Variants in WDR20 observed in about 807,000 individuals in gnomAD.
WDR20 encodes the protein WD repeat domain 20.
In WDR20, 3 loss-of-function variants were observed where a neutral mutation model predicts 38.7. The ratio of observed to expected loss-of-function variants is 0.08; its 90% confidence interval spans 0.04 to 0.20. The LOEUF is 0.20. WDR20 is among the 10% of genes least tolerant of loss of function. WDR20 has a pLI of 1.00. For missense variants in WDR20, 559 were observed against 727.7 expected (o/e 0.77, Z 2.67); for synonymous variants, 298 against 285.6 (o/e 1.04, Z -0.44).
chr14:102,160,770 G>A (rs903037566), intron 1 of WDR20, among the ~76,000 whole-genome samples: 5 of 151,058 alleles, frequency 3.3e-5, no homozygotes, highest in Middle Eastern at 3.4e-3. Context: ...GTGAAACCCC[G>A]TCTCTACTAA....
At chr14:102,159,093 C>T (rs904760625) in intron 1 of WDR20, among the ~76,000 whole-genome samples, 7 of 151,978 alleles carry the variant, frequency 4.6e-5, no homozygotes, top group Non-Finnish European at 8.8e-5. Context: ...AAAGGGTGCA[C>T]CACCACACCC....
downstream of WDR20, chr14:102,224,704 A>ATTAG: frequency 4.4e-6 from 2 of 456,036 alleles, no homozygotes; most frequent in South Asian, 3.1e-5. Context: ...CGGAGGAGAC[A>ATTAG]TTAGTTACAG....
downstream of WDR20, chr14:102,213,520 C>G (rs897503430): frequency 1.0e-6 from 1 of 985,268 alleles, no homozygotes; most frequent in Non-Finnish European, 1.2e-6. Flanking sequence ...CACAATCATT[C>G]TTTTCTCAAA....
intron 1 of WDR20, among the ~76,000 whole-genome samples, chr14:102,187,085 G>C (rs2065006320): frequency 2.0e-5 from 3 of 152,132 alleles, no homozygotes; most frequent in Admixed American, 2.0e-4. Flanking sequence ...TGTGGCCCTT[G>C]GAAGTAATTT....
intron 1 of WDR20, among the ~76,000 whole-genome samples, chr14:102,173,296 T>C (rs1368447650): frequency 1.4e-5 from 2 of 147,920 alleles, no homozygotes; most frequent in African/African-American, 4.9e-5. Context: ...GTATTTTTAG[T>C]AGAGATGAGG....
chr14:102,194,919 T>C lies in WDR20; in HGVS notation c.250-19T>C, dbSNP rs545565542. 1.9e-6 allele frequency: 3 copies of C among 1,612,222 alleles called. No homozygotes were observed. The highest frequency in any genetic ancestry group is 3.3e-5 in the Admixed American group (2 of 59,824). On this transcript the variant is annotated intron_variant, in intron 1 of 2. Transcript: ENST00000342702. ...TCAATGTGCTGTTTACTGTATGTAT[T>C]TTTCTCTTTCTCCTCCAGGCTGCTG...
intron 1 of WDR20, among the ~76,000 whole-genome samples, chr14:102,143,386 G>A (rs986839289): frequency 5.5e-5 from 6 of 108,606 alleles, no homozygotes; most frequent in Non-Finnish European, 1.0e-4. Flanking sequence ...TTTATTTAAA[G>A]ACAGTATTAA....
At chr14:102,200,467 T>TTTTTGTGTG (rs748066838) in intron 2 of WDR20, among the ~76,000 whole-genome samples, 1 of 117,688 alleles carries the variant, frequency 8.5e-6, no homozygotes, top group African/African-American at 3.1e-5. Flanking sequence ...ATTTTTTTTT[T>TTTTTGTGTG]TGTGTGTGTG....
intron 1 of WDR20, among the ~76,000 whole-genome samples, chr14:102,147,562 A>G (rs1023240273): frequency 1.3e-5 from 2 of 152,200 alleles, no homozygotes. Flanking sequence ...CTCTGCCCTC[A>G]AGAAATGTGT....
intron 2 of WDR20, chr14:102,197,850 G>T (rs571240202): frequency 1.4e-6 from 1 of 701,154 alleles, no homozygotes; most frequent in Non-Finnish European, 2.6e-6. Context: ...CTGTCCAGGT[G>T]AGAGCTGAGG....
rs991630205 is a variant in WDR20 at position 102,207,848 on chromosome 14, G to A, written c.433-755G>A. On this transcript the variant is annotated intron_variant, in intron 2 of 2. Transcript: ENST00000342702. The surrounding 1 kb of genome is among the most constrained non-coding windows in gnomAD (Gnocchi z 5.0). ...CATACGCCTGTTAAAGAAACATCTC[G>A]GTCAGGGGTCCAAAGTTAGCATATG... is the stretch of plus-strand genomic sequence containing the variant. Among the ~76,000 whole-genome samples, 6 of 152,154 alleles carry A rather than the reference G, an allele frequency of 3.9e-5. No homozygotes were observed. The highest frequency in any genetic ancestry group is 2.1e-4 in the South Asian group (1 of 4,816).
chr14:102,147,410 G>C (rs1287376036), intron 1 of WDR20, among the ~76,000 whole-genome samples: 1 of 152,178 alleles, frequency 6.6e-6, no homozygotes, highest in Non-Finnish European at 1.5e-5. Flanking sequence ...TTCATGGGTA[G>C]ATATGAGCAA....
At chr14:102,156,590 C>T (rs2057450113) in intron 1 of WDR20, among the ~76,000 whole-genome samples, 2 of 151,822 alleles carry the variant, frequency 1.3e-5, no homozygotes, top group Admixed American at 1.3e-4. Flanking sequence ...CTCACTGCAG[C>T]CTTGACTTCC....
chr14:102,160,683 C>T (rs961905203), intron 1 of WDR20, among the ~76,000 whole-genome samples: 5 of 151,816 alleles, frequency 3.3e-5, no homozygotes, highest in Non-Finnish European at 7.4e-5. Flanking sequence ...TGGCTCACGC[C>T]CATAATCCCA....
At chr14:102,193,152 T>C (rs2058812414) in intron 1 of WDR20, among the ~76,000 whole-genome samples, 1 of 151,126 alleles carries the variant, frequency 6.6e-6, no homozygotes, top group African/African-American at 2.4e-5. Context: ...TTTTTGTGGC[T>C]GTCTTCCTCG....
downstream of WDR20, chr14:102,213,441 G>T: frequency 1.0e-6 from 1 of 985,450 alleles, no homozygotes; most frequent in Non-Finnish European, 1.2e-6. Flanking sequence ...GTTTTCCTGT[G>T]AACCCTTAGC....
At chr14:102,172,746 C>G (rs2061177876) in intron 1 of WDR20, among the ~76,000 whole-genome samples, 1 of 149,684 alleles carries the variant, frequency 6.7e-6, no homozygotes, top group African/African-American at 2.5e-5. Context: ...GGGCGGCTGC[C>G]GGGCGGAGAC....
At chr14:102,139,820 A>G, upstream of WDR20, 1 of 1,514,648 alleles carries the variant, frequency 6.6e-7, no homozygotes, top group East Asian at 2.3e-5. Context: ...GGGAGGGGCG[A>G]GAAGGAAGAG....
At chr14:102,171,568 C>A (rs1038205163) in intron 1 of WDR20, 1 of 151,826 alleles carries the variant, frequency 6.6e-6, no homozygotes, top group Non-Finnish European at 1.5e-5. Context: ...TCTTTTATGT[C>A]TTGTCTGGAG....
Sources: gnomAD v4.1 joint callset for allele counts (sites outside exome capture counted in the v4.1 genomes callset) on GRCh38, gnomAD v4.1.1 for gene constraint, Gnocchi (gnomAD v3.1) non-coding constraint, MANE v1.5 for transcripts, NCBI Gene and HGNC (gene_info 2026-07-23, HGNC 2026-07-21) for gene names.